Variants in CDH13 observed in about 807,000 individuals in gnomAD.
CDH13 encodes cadherin-13.
In CDH13, 24 loss-of-function variants were observed where a neutral mutation model predicts 63.8. The observed-to-expected ratio is 0.38, with a 90% CI of 0.27 to 0.53. CDH13 has a LOEUF of 0.53. CDH13 is among the 20% of genes least tolerant of loss of function. CDH13 has a pLI of 0.85. For missense variants in CDH13, 1,049 were observed against 903.1 expected (o/e 1.16, Z -2.07); for synonymous variants, 503 against 355.3 (o/e 1.42, Z -4.67).
intron 3 of CDH13, among the ~76,000 whole-genome samples, chr16:83,100,853 G>A (rs2034441296): frequency 6.6e-6 from 1 of 152,094 alleles, no homozygotes; most frequent in Non-Finnish European, 1.5e-5. Flanking sequence ...CTTCCTGCAG[G>A]GACTTTTGTA....
At chr16:83,560,726 T>A (rs2075687985) in intron 7 of CDH13, among the ~76,000 whole-genome samples, 1 of 152,260 alleles carries the variant, frequency 6.6e-6, no homozygotes, top group Non-Finnish European at 1.5e-5. Flanking sequence ...ATTGACATCT[T>A]TTTGCCTTGC....
At chr16:83,604,279 C>T (rs1908122296) in intron 8 of CDH13, among the ~76,000 whole-genome samples, 1 of 152,146 alleles carries the variant, frequency 6.6e-6, no homozygotes, top group Admixed American at 6.5e-5. Flanking sequence ...TCTGACTTCC[C>T]ATGGCAGGGT....
chr16:82,850,745 C>T (rs540312723), intron 1 of CDH13, among the ~76,000 whole-genome samples: 89 of 152,258 alleles, frequency 5.8e-4, no homozygotes, highest in Non-Finnish European at 8.1e-4. Context: ...CCTTCACAAC[C>T]GCCACCCTCA....
At chr16:82,739,478 G>A (rs1173119043) in intron 1 of CDH13, among the ~76,000 whole-genome samples, 3 of 152,164 alleles carry the variant, frequency 2.0e-5, no homozygotes, top group South Asian at 4.1e-4. Flanking sequence ...AATTTTAAGA[G>A]TGAGAGAAGA....
chr16:83,250,877 T>C (rs1292407158), intron 5 of CDH13, among the ~76,000 whole-genome samples: 1 of 152,230 alleles, frequency 6.6e-6, no homozygotes, highest in Non-Finnish European at 1.5e-5. Flanking sequence ...AAATTCTTTG[T>C]TGCAAAACCA....
intron 10 of CDH13, among the ~76,000 whole-genome samples, chr16:83,701,396 G>A (rs570629762): frequency 2.0e-5 from 3 of 152,150 alleles, no homozygotes; most frequent in East Asian, 1.9e-4. Flanking sequence ...ATTTCATTCG[G>A]TCCACACGTA....
chr16:82,679,544 C>T (rs981983009), intron 1 of CDH13, among the ~76,000 whole-genome samples: 7 of 152,290 alleles, frequency 4.6e-5, no homozygotes, highest in Non-Finnish European at 1.0e-4. Flanking sequence ...GAAGATAGTC[C>T]TCTGGACAAG....
rs1211613419 is a variant in CDH13 at position 83,570,965 on chromosome 16, A to ATG, written c.961-31488_961-31487insGT. Among the ~76,000 whole-genome samples, 295 of 132,734 alleles carry ATG rather than the reference A, an allele frequency of 2.2e-3. 2 individuals carry two copies. Among genetic ancestry groups the ATG allele is most frequent in the African/African-American group, 8.1e-3 (277 of 34,084 alleles). 87.1% of individuals were successfully genotyped at this position (132,734 alleles called of 152,430 possible). ...CTCATCCATATATATATATATATAT[A>ATG]TATATAAAAACCTTCTGGCGCCACC... On this transcript the variant is annotated intron_variant, in intron 7 of 13. Transcript: ENST00000567109.
intron 1 of CDH13, among the ~76,000 whole-genome samples, chr16:82,838,574 C>T (rs1364831746): frequency 2.0e-5 from 3 of 152,172 alleles, no homozygotes; most frequent in Non-Finnish European, 4.4e-5. Flanking sequence ...CTCATTGCTT[C>T]TGGGCTTTCC....
intron 4 of CDH13, among the ~76,000 whole-genome samples, chr16:83,184,281 A>C (rs1031695092): frequency 6.6e-6 from 1 of 152,150 alleles, no homozygotes; most frequent in Non-Finnish European, 1.5e-5. Flanking sequence ...CACCTTTTGA[A>C]ACCAATAATC....
chr16:82,971,538 C>T (rs553305070), intron 2 of CDH13, among the ~76,000 whole-genome samples: 9 of 152,276 alleles, frequency 5.9e-5, no homozygotes, highest in African/African-American at 1.9e-4. Context: ...GGCATCTAAC[C>T]CAGACCTCTG....
chr16:82,749,554 G>A (rs1397975681), intron 1 of CDH13, among the ~76,000 whole-genome samples: 2 of 152,142 alleles, frequency 1.3e-5, no homozygotes, highest in Admixed American at 1.3e-4. Context: ...TCAATGTAAG[G>A]CTCTAACTTG....
intron 1 of CDH13, among the ~76,000 whole-genome samples, chr16:82,723,895 A>T (rs1029085335): frequency 3.2e-4 from 48 of 152,000 alleles, no homozygotes; most frequent in Non-Finnish European, 1.0e-4. Context: ...CTTACCTGTT[A>T]TTTTTTCTAT....
chr16:83,673,133 C>A lies in CDH13; in HGVS notation c.1284+2161C>A, dbSNP rs189127719. The stretch of plus-strand genomic sequence containing the variant: ...GTACATTACAAACCTAGTCTACATA[C>A]ACATAAGCACGTATTAACAATCCCT... On this transcript the variant is annotated intron_variant, in intron 9 of 13. Coordinates refer to ENST00000567109, the MANE Select transcript of CDH13 (RefSeq NM_001257.5). 3.0e-3 allele frequency among the ~76,000 whole-genome samples: 459 copies of A among 152,334 alleles called. 1 individual carries two copies. The highest frequency in any genetic ancestry group is 0.011 in the African/African-American group (441 of 41,572).
At chr16:82,880,983 C>T (rs2040682555) in intron 2 of CDH13, among the ~76,000 whole-genome samples, 1 of 152,174 alleles carries the variant, frequency 6.6e-6, no homozygotes, top group Non-Finnish European at 1.5e-5. Context: ...GACATTACCC[C>T]GTGGTGTCTA....
At chr16:82,681,159 G>T (rs149674991) in intron 1 of CDH13, among the ~76,000 whole-genome samples, 1 of 152,210 alleles carries the variant, frequency 6.6e-6, no homozygotes, top group Non-Finnish European at 1.5e-5. Flanking sequence ...ATGCATCCAC[G>T]TGATAAAATA....
chr16:83,033,952 A>G (rs1916615419), intron 3 of CDH13, among the ~76,000 whole-genome samples: 1 of 152,052 alleles, frequency 6.6e-6, no homozygotes, highest in Admixed American at 6.6e-5. Flanking sequence ...CATATTAGCC[A>G]CATCCCTGCT....
intron 5 of CDH13, among the ~76,000 whole-genome samples, chr16:83,245,700 G>C (rs1482212615): frequency 6.6e-6 from 1 of 152,136 alleles, no homozygotes; most frequent in African/African-American, 2.4e-5. Flanking sequence ...TTTGTTTTCA[G>C]CATGTTAAAG....
At chr16:82,785,934 T>G (rs1040016681) in intron 1 of CDH13, among the ~76,000 whole-genome samples, 1 of 152,226 alleles carries the variant, frequency 6.6e-6, no homozygotes, top group African/African-American at 2.4e-5. Context: ...TTATCCCTGA[T>G]GCACGTGGCC....
Sources: allele counts gnomAD v4.1 joint callset (sites outside exome capture counted in the v4.1 genomes callset), GRCh38; gene constraint gnomAD v4.1.1; transcripts MANE v1.5; gene names NCBI Gene and HGNC (gene_info 2026-07-23, HGNC 2026-07-21).